NUP93: variants seen among roughly 807,000 people sequenced by gnomAD.
The protein encoded by NUP93 is nucleoporin 93.
NUP93 carries 55 observed loss-of-function variants against 107.8 expected under a neutral mutation model. The ratio of observed to expected loss-of-function variants is 0.51; its 90% CI spans 0.41 to 0.64. The LOEUF (loss-of-function observed/expected upper bound fraction) is 0.64, where lower values mean the gene tolerates loss of function less well. NUP93 is among the 30% of genes least tolerant of loss of function. NUP93 has a pLI of 0.00. For missense variants in NUP93, 937 were observed against 1,044.7 expected, an observed-to-expected ratio of 0.90 and a Z score of 1.42; for synonymous variants, 390 against 397.5, an observed-to-expected ratio of 0.98 and a Z score of 0.22.
intron 8 of NUP93, among the ~76,000 whole-genome samples, chr16:56,828,713 C>T (rs1252337356): frequency 6.6e-6 from 1 of 152,164 alleles, no homozygotes; most frequent in Non-Finnish European, 1.5e-5. Flanking sequence ...GTATATCCAC[C>T]CTTAATGTAT....
At chr16:56,811,081 G>A (rs1261324437) in intron 5 of NUP93, among the ~76,000 whole-genome samples, 1 of 152,062 alleles carries the variant, frequency 6.6e-6, no homozygotes, top group Non-Finnish European at 1.5e-5. Flanking sequence ...GAGCATTTTT[G>A]TGTGTTTTGG....
At chr16:56,808,022 A>T (rs1229412560) in intron 5 of NUP93, among the ~76,000 whole-genome samples, 1 of 146,122 alleles carries the variant, frequency 6.8e-6, no homozygotes, top group East Asian at 2.0e-4. Context: ...ACTCCGTCTC[A>T]AAAAATATAT....
intron 21 of NUP93, chr16:56,842,526 A>G (rs1964045635): frequency 4.7e-6 from 2 of 428,326 alleles, no homozygotes; most frequent in South Asian, 3.4e-5. Flanking sequence ...ACCCAGTTAA[A>G]CCATAAGGGG....
intron 7 of NUP93, among the ~76,000 whole-genome samples, chr16:56,822,691 G>T (rs1269862140): frequency 1.3e-5 from 2 of 151,580 alleles, no homozygotes; most frequent in Non-Finnish European, 2.9e-5. Context: ...CTCCCGAGTA[G>T]CTGGGACTAC....
chr16:56,819,599 G>A (rs1212330821), intron 6 of NUP93, among the ~76,000 whole-genome samples: 1 of 152,142 alleles, frequency 6.6e-6, no homozygotes, highest in Admixed American at 6.5e-5. Flanking sequence ...CCTGGAGTAG[G>A]GTGGTTGGAG....
At chr16:56,843,120 C>T (rs987193366) in intron 21 of NUP93, among the ~76,000 whole-genome samples, 5 of 152,196 alleles carry the variant, frequency 3.3e-5, no homozygotes, top group Admixed American at 6.5e-5. Context: ...TCCACTGAAG[C>T]GGTCAGCCCA....
chr16:56,800,390 A>G (rs1398988601), intron 4 of NUP93, among the ~76,000 whole-genome samples: 2 of 152,176 alleles, frequency 1.3e-5, no homozygotes, highest in Non-Finnish European at 2.9e-5. Flanking sequence ...GTTGAATGCT[A>G]CCAAGCTTTA....
chr16:56,733,028 A>G (rs1380801751), intron 1 of NUP93, among the ~76,000 whole-genome samples: 1 of 152,210 alleles, frequency 6.6e-6, no homozygotes, highest in East Asian at 1.9e-4. Context: ...AGCTGGCTGC[A>G]GCATACATAG....
chr16:56,792,559 A>G (rs1246015538), intron 3 of NUP93, among the ~76,000 whole-genome samples: 1 of 152,258 alleles, frequency 6.6e-6, no homozygotes, highest in Non-Finnish European at 1.5e-5. Flanking sequence ...CTCAACTTTT[A>G]AATCTCTATT....
At chr16:56,781,516 T>TG (rs1269254671) in intron 3 of NUP93, 4 of 152,228 alleles carry the variant, frequency 2.6e-5, no homozygotes. Flanking sequence ...TTTAGCATCA[T>TG]GGCATGTGCA....
chr16:56,763,645 G>C (rs1030169533), intron 3 of NUP93, among the ~76,000 whole-genome samples: 1 of 151,894 alleles, frequency 6.6e-6, no homozygotes, highest in Non-Finnish European at 1.5e-5. Flanking sequence ...AGACCCTAAG[G>C]CTTTCCTTAG....
At chr16:56,733,733 G>T (rs1961569623) in intron 1 of NUP93, among the ~76,000 whole-genome samples, 1 of 152,134 alleles carries the variant, frequency 6.6e-6, no homozygotes, top group African/African-American at 2.4e-5. Flanking sequence ...TGTTTTGATA[G>T]ATTAGAGTCC....
At chr16:56,799,657 C>G (rs1186888387) in intron 4 of NUP93, among the ~76,000 whole-genome samples, 2 of 152,080 alleles carry the variant, frequency 1.3e-5, no homozygotes, top group African/African-American at 4.8e-5. Context: ...CTCTGTTTTG[C>G]TGTTTACTTA....
intron 1 of NUP93, among the ~76,000 whole-genome samples, chr16:56,734,295 T>G (rs560354745): frequency 6.6e-6 from 1 of 152,314 alleles, no homozygotes; most frequent in East Asian, 1.9e-4. Context: ...GTAGGTATTT[T>G]GGAGGAGAAT....
intron 2 of NUP93, among the ~76,000 whole-genome samples, chr16:56,755,421 A>G (rs1361306716): frequency 6.6e-6 from 1 of 151,866 alleles, no homozygotes; most frequent in East Asian, 1.9e-4. Context: ...AGGCAAATTT[A>G]TAGAGACAGA....
intron 5 of NUP93, among the ~76,000 whole-genome samples, chr16:56,809,010 C>T (rs1052742322): frequency 6.6e-6 from 1 of 151,880 alleles, no homozygotes; most frequent in Non-Finnish European, 1.5e-5. Flanking sequence ...ACTGTATGTT[C>T]TTATCCCCAT....
At chr16:56,760,353 C>A (rs940352283) in intron 3 of NUP93, among the ~76,000 whole-genome samples, 1 of 152,146 alleles carries the variant, frequency 6.6e-6, no homozygotes, top group East Asian at 1.9e-4. Flanking sequence ...CATAGTGATA[C>A]CCCCTGTATT....
chr16:56,803,327 T>C (rs1408646589), intron 4 of NUP93, among the ~76,000 whole-genome samples: 1 of 151,948 alleles, frequency 6.6e-6, no homozygotes, highest in Non-Finnish European at 1.5e-5. Context: ...TAGCCAGGTG[T>C]GGTGGTGCAT....
At chr16:56,828,240 A>G (rs1334044515) in intron 8 of NUP93, among the ~76,000 whole-genome samples, 1 of 150,978 alleles carries the variant, frequency 6.6e-6, no homozygotes, top group Admixed American at 6.6e-5. Flanking sequence ...AGACAAAAAT[A>G]GTGGTAGAAT....
Sources: gnomAD v4.1 joint callset for allele counts (sites outside exome capture counted in the v4.1 genomes callset) on GRCh38, gnomAD v4.1.1 for gene constraint, MANE v1.5 for transcripts, NCBI Gene and HGNC (gene_info 2026-07-23, HGNC 2026-07-21) for gene names.